Variants in SMARCE1 observed in about 807,000 individuals in gnomAD.
SMARCE1 encodes the protein SWI/SNF-related matrix-associated actin-dependent regulator of chromatin subfamily E member 1.
A neutral mutation model predicts 54.9 loss-of-function variants in SMARCE1; 13 were observed. That is an observed-to-expected ratio of 0.24 (90% CI 0.15 to 0.38). The LOEUF (loss-of-function observed/expected upper bound fraction) is 0.38, where lower values mean the gene tolerates loss of function less well. Ranked by LOEUF, SMARCE1 falls within the 10% of genes least tolerant of loss-of-function variation. SMARCE1 has a pLI of 1.00. For synonymous variants in SMARCE1, 151 were observed against 175.3 expected (o/e 0.86, Z 1.10); for missense variants, 295 against 523.8 (o/e 0.56, Z 4.26).
At position 40,626,153 on chromosome 17, in the gene SMARCE1, G is replaced by A. The variant is rs1334986722; in HGVS notation, c.*2632C>T. 2 of 152,074 alleles carry A rather than the reference G, an allele frequency of 1.3e-5. No homozygotes were observed. The highest frequency in any genetic ancestry group is 2.9e-5 in the Non-Finnish European group (2 of 68,030). 9.4% of individuals were successfully genotyped at this position (152,074 alleles called of 1,614,324 possible). A position where few individuals can be genotyped will look rare whatever the true frequency, so the allele number is the denominator to read the frequency against. On this transcript the variant is annotated 3_prime_UTR_variant, in exon 11 of 11. Transcript: ENST00000348513. The stretch of plus-strand genomic sequence containing the variant: ...GAGGCAGGAGAATTGCTGAAACCCA[G>A]GAGCTGGATGTTGCAGTGAGCCGAG...
intron 7 of SMARCE1, chr17:40,633,430 TTAAAC>T (rs1567846278): frequency 1.3e-5 from 2 of 152,140 alleles, no homozygotes; most frequent in African/African-American, 2.4e-5. Flanking sequence ...ATATTTTTCT[TTAAAC>T]TAACTCACTT....
chr17:40,639,929 T>C (rs931437548), intron 4 of SMARCE1: 1 of 152,202 alleles, frequency 6.6e-6, no homozygotes, highest in East Asian at 1.9e-4. Context: ...TTTTGGAGAA[T>C]GTGTTTCCAT....
Position 40,628,549 on chromosome 17 carries a change from G to A in SMARCE1, c.*236C>T. The A allele has an allele frequency of 2.2e-6, 1 of 464,636 alleles. No homozygotes were observed. Among genetic ancestry groups the A allele is most frequent in the Non-Finnish European group, 3.9e-6 (1 of 257,614 alleles). 28.8% of individuals were successfully genotyped at this position (464,636 alleles called of 1,614,324 possible). A position where few individuals can be genotyped will look rare whatever the true frequency, so the allele number is the denominator to read the frequency against. On this transcript the variant is annotated 3_prime_UTR_variant, in exon 11 of 11. Coordinates refer to ENST00000348513, the MANE Select transcript of SMARCE1 (RefSeq NM_003079.5). ...TTTTCTCAATTAATCTAAATTCTGA[G>A]GCTTTCAGCAGTTGAGGGCTAGAAA...
chr17:40,630,366 T>C (rs2037080305), intron 10 of SMARCE1: 6 of 711,096 alleles, frequency 8.4e-6, no homozygotes, highest in African/African-American at 1.9e-5. Flanking sequence ...TATACTGTTT[T>C]ATCCCCAAAG....
chr17:40,635,796 C>T, intron 7 of SMARCE1, 135 bp downstream of exon 7: 1 of 631,514 alleles, frequency 1.6e-6, no homozygotes, highest in South Asian at 4.8e-5. Flanking sequence ...TCAATATAAC[C>T]AAAATACTAA....
At chr17:40,629,551 G>A in intron 10 of SMARCE1, 1 of 1,217,540 alleles carries the variant, frequency 8.2e-7, no homozygotes, top group South Asian at 4.2e-5. Flanking sequence ...TTTGTTTAAA[G>A]TCATGCTGGG....
chr17:40,635,925 T>C lies in SMARCE1; in HGVS notation c.541+6A>G. ...CATAAACAAAACCCCACTTTTTTTC[T>C]TTTACCATCTGGATCTTCAGCAGGC... On this transcript the variant is annotated splice_donor_region_variant and intron_variant, in intron 7 of 10. Transcript: ENST00000348513. The C allele has an allele frequency of 6.4e-7, 1 of 1,551,708 alleles. No individual in the cohort carries two copies. Among genetic ancestry groups the C allele is most frequent in the South Asian group, 1.3e-5 (1 of 78,768 alleles).
chr17:40,632,470 C>T lies in SMARCE1; in HGVS notation c.542-103G>A. 7.1e-6 allele frequency: 7 copies of T among 984,110 alleles called. No homozygotes were observed. The South Asian group carries it at 1.1e-4, about 16-fold the overall frequency. The allele number at this position is 984,110 out of a possible 1,614,324, so 61.0% of individuals were successfully genotyped here. A position where few individuals can be genotyped will look rare whatever the true frequency, so the allele number is the denominator to read the frequency against. On this transcript the variant is annotated intron_variant, in intron 7 of 10. Coordinates refer to ENST00000348513, the MANE Select transcript of SMARCE1 (RefSeq NM_003079.5). ...ACCAACGAACTATGGCCCTCACTGG[C>T]CTAACAAGTGGACCTGCCCAGCGTC...
intron 1 of SMARCE1, among the ~76,000 whole-genome samples, chr17:40,647,039 T>C (rs891186784): frequency 6.6e-6 from 1 of 152,196 alleles, no homozygotes; most frequent in South Asian, 2.1e-4. Context: ...ATAAGCTCCC[T>C]GTACGTTATA....
chr17:40,632,533 C>G (rs1166336709), intron 7 of SMARCE1, 166 bp from the exon 8 acceptor site: 2 of 600,152 alleles, frequency 3.3e-6, no homozygotes, highest in Non-Finnish European at 5.9e-6. Context: ...AAAAACCATA[C>G]AGAGGACGTA....
Position 40,637,486 on chromosome 17 carries a change from A to G in SMARCE1, c.237+6T>C. The G allele has an allele frequency of 6.2e-7, 1 of 1,610,424 alleles. No individual in the cohort carries two copies. The highest frequency in any genetic ancestry group is 8.5e-7 in the Non-Finnish European group (1 of 1,176,756). Reference sequence around the variant, plus strand: ...CCTCACTCCTTACCAGGTCCTAAGCACCTACCTTTCTGCTGTACCTCATGT... The same window carrying G: ...CCTCACTCCTTACCAGGTCCTAAGCGCCTACCTTTCTGCTGTACCTCATGT... On this transcript the variant is annotated splice_donor_region_variant and intron_variant, in intron 5 of 10. Coordinates refer to ENST00000348513, the MANE Select transcript of SMARCE1 (RefSeq NM_003079.5).
chr17:40,641,530 G>A (rs2037200022), intron 4 of SMARCE1: 1 of 152,048 alleles, frequency 6.6e-6, no homozygotes, highest in South Asian at 2.1e-4. Flanking sequence ...TTAATAGAAG[G>A]CACTTGTTAT....
intron 6 of SMARCE1, 22 bp from the exon 7 acceptor site, chr17:40,636,124 G>A (rs761715044): frequency 3.2e-6 from 5 of 1,573,092 alleles, no homozygotes; most frequent in Non-Finnish European, 4.3e-6. Flanking sequence ...ATGTTTTTTG[G>A]TTTTATAATT....
chr17:40,638,723 T>C (rs2037168300), intron 4 of SMARCE1, among the ~76,000 whole-genome samples: 1 of 152,214 alleles, frequency 6.6e-6, no homozygotes, highest in Admixed American at 6.5e-5. Flanking sequence ...CTCTCCCTGC[T>C]AGGCTGGAGA....
rs558371438 is a variant in SMARCE1 at position 40,626,602 on chromosome 17, T to A, written c.*2183A>T. 2 of 152,574 alleles carry A rather than the reference T, an allele frequency of 1.3e-5. No individual in the cohort carries two copies. Among genetic ancestry groups the A allele is most frequent in the South Asian group, 4.1e-4 (2 of 4,832 alleles). 9.5% of individuals were successfully genotyped at this position (152,574 alleles called of 1,614,324 possible). A position where few individuals can be genotyped will look rare whatever the true frequency, so the allele number is the denominator to read the frequency against. On this transcript the variant is annotated 3_prime_UTR_variant, in exon 11 of 11. Coordinates refer to ENST00000348513, the MANE Select transcript of SMARCE1 (RefSeq NM_003079.5). ...AAATCCCAACTGAGGCCGGGCACAG[T>A]GGCTCACGCCTGTAATCCCAGCACT...
At chr17:40,630,093 G>C in intron 10 of SMARCE1, 1 of 643,074 alleles carries the variant, frequency 1.6e-6, no homozygotes, top group East Asian at 2.7e-5. Context: ...AGTGTACTAG[G>C]CAGTGTTAAA....
At chr17:40,629,255 T>C (rs1484257820) in intron 10 of SMARCE1, 3 of 518,702 alleles carry the variant, frequency 5.8e-6, no homozygotes, top group African/African-American at 1.9e-5. Context: ...AGCTTCTGAA[T>C]TGAGATGTGT....
intron 10 of SMARCE1, chr17:40,629,560 G>C (rs1378854091): frequency 1.1e-5 from 13 of 1,208,336 alleles, no homozygotes; most frequent in African/African-American, 1.6e-5. Flanking sequence ...AGTCATGCTG[G>C]GCTGTTTCCT....
In SMARCE1 at chr17:40,642,117, C is replaced by T. The variant is rs1459123321; in HGVS notation, c.156+338G>A. The stretch of plus-strand genomic sequence containing the variant: ...CAATCCTTGAGACTAATGCCAATCA[C>T]CTTATAAAAATGAAAAATACTCTTT... On this transcript the variant is annotated intron_variant, in intron 4 of 10. Coordinates refer to ENST00000348513, the MANE Select transcript of SMARCE1 (RefSeq NM_003079.5). This position sits in a 1 kb window ranked among gnomAD's most constrained non-coding sequence, Gnocchi z 4.6. 4.6e-6 allele frequency: 2 copies of T among 435,880 alleles called. No individual in the cohort carries two copies. Among genetic ancestry groups the T allele is most frequent in the Non-Finnish European group, 8.0e-6 (2 of 248,770 alleles). 27.0% of individuals were successfully genotyped at this position (435,880 alleles called of 1,614,324 possible). A position where few individuals can be genotyped will look rare whatever the true frequency, so the allele number is the denominator to read the frequency against.
Sources: allele counts gnomAD v4.1 joint callset (sites outside exome capture counted in the v4.1 genomes callset), GRCh38; gene constraint gnomAD v4.1.1; non-coding constraint Gnocchi (gnomAD v3.1); transcripts MANE v1.5; gene names NCBI Gene and HGNC (gene_info 2026-07-23, HGNC 2026-07-21).